Variants in TBL1XR1 observed in about 807,000 individuals in gnomAD.
The protein encoded by TBL1XR1 is F-box-like/WD repeat-containing protein TBL1XR1.
Under a neutral mutation model 66.9 loss-of-function variants are expected in TBL1XR1, and 5 were observed. The observed-to-expected ratio is 0.07, with a 90% CI of 0.04 to 0.16. TBL1XR1 has a LOEUF of 0.16. Ranked by LOEUF, TBL1XR1 falls within the 10% of genes least tolerant of loss-of-function variation. The pLI is 1.00. For missense variants in TBL1XR1, 238 were observed against 623.2 expected, an observed-to-expected ratio of 0.38 and a Z score of 6.58; for synonymous variants, 210 against 206.0, an observed-to-expected ratio of 1.02 and a Z score of -0.17.
intron 1 of TBL1XR1, among the ~76,000 whole-genome samples, chr3:177,130,889 G>A (rs1701447321): frequency 6.6e-6 from 1 of 152,214 alleles, no homozygotes; most frequent in African/African-American, 2.4e-5. Context: ...GCCGGACACA[G>A]AGGCTTGCAC....
chr3:177,101,147 A>G (rs1346152893), intron 1 of TBL1XR1, among the ~76,000 whole-genome samples: 1 of 148,710 alleles, frequency 6.7e-6, no homozygotes, highest in African/African-American at 2.5e-5. Context: ...GTGAGCCACC[A>G]TGCCCAGCCA....
chr3:177,082,599 C>T (rs1397211387), intron 2 of TBL1XR1, among the ~76,000 whole-genome samples: 3 of 151,030 alleles, frequency 2.0e-5, no homozygotes, highest in Non-Finnish European at 3.0e-5. Flanking sequence ...ATGCGTAACA[C>T]TAGATGTTAC....
At chr3:177,115,006 A>G (rs982076888) in intron 1 of TBL1XR1, among the ~76,000 whole-genome samples, 8 of 151,786 alleles carry the variant, frequency 5.3e-5, no homozygotes, top group East Asian at 1.9e-4. Context: ...TAATAATAAT[A>G]ATAATGATTT....
At chr3:177,072,501 T>C (rs1259408810) in intron 2 of TBL1XR1, among the ~76,000 whole-genome samples, 1 of 151,866 alleles carries the variant, frequency 6.6e-6, no homozygotes, top group East Asian at 1.9e-4. Flanking sequence ...CTGAAGAATA[T>C]CCTTGAATGA....
At chr3:177,143,949 G>C (rs536064997) in intron 1 of TBL1XR1, among the ~76,000 whole-genome samples, 1 of 152,282 alleles carries the variant, frequency 6.6e-6, no homozygotes, top group African/African-American at 2.4e-5. Context: ...CAGTGTTGGA[G>C]TTAAGAAAGT....
At chr3:177,196,463 G>A (rs1188046502) in intron 1 of TBL1XR1, 6 of 150,012 alleles carry the variant, frequency 4.0e-5, no homozygotes, top group Non-Finnish European at 8.9e-5. Context: ...CCCGGAGCAA[G>A]GCCCGGCTGC....
chr3:177,112,107 A>ATATATATATTTTTTTTTTTTTT, intron 1 of TBL1XR1, among the ~76,000 whole-genome samples: 1 of 37,652 alleles, frequency 2.7e-5, no homozygotes, highest in Non-Finnish European at 4.5e-5. Flanking sequence ...ATATATATAT[A>ATATATATATTTTTTTTTTTTTT]TTTTTTTTTT....
chr3:177,038,733 T>C (rs1178878160), intron 10 of TBL1XR1, among the ~76,000 whole-genome samples: 2 of 152,202 alleles, frequency 1.3e-5, no homozygotes, highest in African/African-American at 4.8e-5. Context: ...TTCTCTTTTA[T>C]AAAATGATAA....
intron 1 of TBL1XR1, among the ~76,000 whole-genome samples, chr3:177,183,302 A>C (rs1019696958): frequency 1.3e-5 from 2 of 152,226 alleles, no homozygotes; most frequent in Non-Finnish European, 2.9e-5. Flanking sequence ...AATGAAGAGT[A>C]CAGAAAATGT....
chr3:177,054,502 G>A (rs908616417), intron 3 of TBL1XR1, among the ~76,000 whole-genome samples: 3 of 152,058 alleles, frequency 2.0e-5, no homozygotes, highest in South Asian at 2.1e-4. Flanking sequence ...TATCTACTAC[G>A]TAGTTATAAT....
At chr3:177,071,654 C>T (rs917965290) in intron 2 of TBL1XR1, among the ~76,000 whole-genome samples, 1 of 152,156 alleles carries the variant, frequency 6.6e-6, no homozygotes, top group Non-Finnish European at 1.5e-5. Flanking sequence ...GCAATAAATG[C>T]TCGCTCAAAT....
chr3:177,056,627 C>A (rs1009126514), intron 3 of TBL1XR1, among the ~76,000 whole-genome samples: 1 of 152,182 alleles, frequency 6.6e-6, no homozygotes, highest in African/African-American at 2.4e-5. Flanking sequence ...CATGGCATTA[C>A]ATAGCAGTTT....
At chr3:177,144,567 C>T (rs1730018930) in intron 1 of TBL1XR1, among the ~76,000 whole-genome samples, 2 of 151,718 alleles carry the variant, frequency 1.3e-5, no homozygotes, top group Non-Finnish European at 2.9e-5. Context: ...TCCTGGCTAG[C>T]ACAGTGAAAC....
chr3:177,038,921 G>C (rs531076892), intron 10 of TBL1XR1, among the ~76,000 whole-genome samples: 1 of 152,050 alleles, frequency 6.6e-6, no homozygotes, highest in Non-Finnish European at 1.5e-5. Flanking sequence ...ACAAGAGTGA[G>C]GATAACACAC....
At chr3:177,100,452 C>A (rs531776784) in intron 1 of TBL1XR1, among the ~76,000 whole-genome samples, 72 of 151,374 alleles carry the variant, frequency 4.8e-4, no homozygotes, top group African/African-American at 1.6e-3. Flanking sequence ...GAGACGGAGT[C>A]TCACTCTGTC....
intron 2 of TBL1XR1, among the ~76,000 whole-genome samples, chr3:177,069,854 A>AAGGAAGGAAGGG (rs1719734444): frequency 6.6e-6 from 1 of 150,762 alleles, no homozygotes; most frequent in African/African-American, 2.4e-5. Flanking sequence ...GGAAGGAAGG[A>AAGGAAGGAAGGG]AAAACAACAC....
chr3:177,062,878 T>C (rs1718697802), intron 3 of TBL1XR1, among the ~76,000 whole-genome samples: 1 of 152,160 alleles, frequency 6.6e-6, no homozygotes, highest in African/African-American at 2.4e-5. Context: ...GTAATGCCTG[T>C]AATCCCAGCA....
chr3:177,113,162 A>G (rs915035610), intron 1 of TBL1XR1, among the ~76,000 whole-genome samples: 2 of 152,196 alleles, frequency 1.3e-5, no homozygotes, highest in African/African-American at 4.8e-5. Flanking sequence ...ATGAATATTC[A>G]CATGTAGAAA....
intron 1 of TBL1XR1, among the ~76,000 whole-genome samples, chr3:177,101,362 C>T (rs527717061): frequency 1.3e-5 from 2 of 152,174 alleles, no homozygotes; most frequent in East Asian, 3.9e-4. Flanking sequence ...ATAAAATCTA[C>T]AAATCTATGT....
Sources: gnomAD v4.1 joint callset for allele counts (sites outside exome capture counted in the v4.1 genomes callset) on GRCh38, gnomAD v4.1.1 for gene constraint, MANE v1.5 for transcripts, NCBI Gene and HGNC (gene_info 2026-07-23, HGNC 2026-07-21) for gene names.